Variants in AMOTL1 observed in about 807,000 individuals in gnomAD.
The protein encoded by AMOTL1 is angiomotin-like protein 1.
AMOTL1 carries 45 observed loss-of-function variants against 102.9 expected under a neutral mutation model. The ratio of observed to expected loss-of-function variants is 0.44; its 90% CI spans 0.34 to 0.56. The LOEUF (loss-of-function observed/expected upper bound fraction) is 0.56, where lower values mean the gene tolerates loss of function less well. Among genes scored for constraint, AMOTL1 ranks in the 20% least tolerant of loss-of-function variants. AMOTL1 has a pLI of 0.01. For synonymous variants in AMOTL1, 481 were observed against 484.7 expected, an observed-to-expected ratio of 0.99 and a Z score of 0.10; for missense variants, 1,114 against 1,225.6, an observed-to-expected ratio of 0.91 and a Z score of 1.36.
intron 4 of AMOTL1, among the ~76,000 whole-genome samples, chr11:94,827,985 G>C (rs1951998889): frequency 6.6e-6 from 1 of 152,042 alleles, no homozygotes; most frequent in Admixed American, 6.6e-5. Context: ...TCCGCTTTCT[G>C]ATGTCATCTG....
At chr11:94,855,443 T>C (rs1218447370) in intron 8 of AMOTL1, among the ~76,000 whole-genome samples, 1 of 152,246 alleles carries the variant, frequency 6.6e-6, no homozygotes, top group African/African-American at 2.4e-5. Flanking sequence ...TCAGCTGTTC[T>C]CTGTCACTCA....
chr11:94,756,914 G>A (rs1565340926), intron 3 of AMOTL1, among the ~76,000 whole-genome samples: 2 of 151,958 alleles, frequency 1.3e-5, no homozygotes, highest in Non-Finnish European at 1.5e-5. Flanking sequence ...CCCTGCCTGA[G>A]TTTATATCAA....
At chr11:94,831,664 A>G in intron 6 of AMOTL1, 123 bp downstream of exon 6, 2 of 818,764 alleles carry the variant, frequency 2.4e-6, no homozygotes, top group Non-Finnish European at 1.9e-6. Flanking sequence ...AATTTAGCAT[A>G]CAACCTATTG....
intron 9 of AMOTL1, among the ~76,000 whole-genome samples, chr11:94,863,460 C>T (rs181571621): frequency 5.9e-5 from 9 of 152,034 alleles, no homozygotes; most frequent in East Asian, 3.9e-4. Context: ...GATGTGGTGA[C>T]GCATGTCTGT....
chr11:94,800,202 C>A lies in AMOTL1; in HGVS notation c.1012C>A (p.His338Asn), dbSNP rs1951449683. 1.2e-6 allele frequency: 2 copies of A among 1,613,954 alleles called. No individual in the cohort carries two copies. Among genetic ancestry groups the A allele is most frequent in the Non-Finnish European group, 1.7e-6 (2 of 1,179,874 alleles). The change falls in exon 3 of 13, where the codon CAC (histidine) becomes AAC (asparagine). Residue 338 changes from histidine to asparagine, a missense_variant. By Grantham distance (68) the His-to-Asn change is moderately conservative. Transcript: ENST00000433060. ...GCACGGACTTTTTTATGGTGACCAG[C>A]ACCCCGGGATGCTCCACGAGATGGT... is the stretch of plus-strand genomic sequence containing the variant. The part of the protein sequence containing the change: ...QEHGLFYGDQ[H>N]PGMLHEMVKP...
At chr11:94,710,629 G>C (rs115654202) in intron 1 of AMOTL1, among the ~76,000 whole-genome samples, 1,732 of 152,250 alleles carry the variant, frequency 0.011, 35 homozygotes, top group African/African-American at 0.039. Context: ...AAAGCCACAG[G>C]CTCCCTGGCA....
At chr11:94,753,502 C>A (rs1373529198) in intron 3 of AMOTL1, among the ~76,000 whole-genome samples, 4 of 152,096 alleles carry the variant, frequency 2.6e-5, no homozygotes, top group African/African-American at 4.8e-5. Flanking sequence ...TTATTGAGTG[C>A]TTTTCATGTG....
chr11:94,867,774 G>A (rs1952911964), intron 11 of AMOTL1, among the ~76,000 whole-genome samples: 1 of 152,190 alleles, frequency 6.6e-6, no homozygotes, highest in African/African-American at 2.4e-5. Flanking sequence ...GACTTATTCA[G>A]CCTGTCACTC....
chr11:94,761,250 G>A (rs1374478153), intron 3 of AMOTL1, among the ~76,000 whole-genome samples: 3 of 149,124 alleles, frequency 2.0e-5, no homozygotes, highest in Non-Finnish European at 4.4e-5. Flanking sequence ...GTGCAGTGGC[G>A]TGATCTCGGC....
At chr11:94,867,779 T>C (rs1022712744) in intron 11 of AMOTL1, among the ~76,000 whole-genome samples, 7 of 152,318 alleles carry the variant, frequency 4.6e-5, no homozygotes, top group African/African-American at 1.7e-4. Flanking sequence ...ATTCAGCCTG[T>C]CACTCCCTAC....
intron 1 of AMOTL1, among the ~76,000 whole-genome samples, chr11:94,727,188 CTACTT>C (rs1213742075): frequency 3.3e-5 from 5 of 152,130 alleles, no homozygotes; most frequent in Non-Finnish European, 5.9e-5. Flanking sequence ...CTTGGAGTCT[CTACTT>C]CACTTCCCAA....
At chr11:94,714,232 T>A (rs10734167) in intron 1 of AMOTL1, among the ~76,000 whole-genome samples, 70,853 of 151,870 alleles carry the variant, frequency 0.47, 18,515 homozygotes, top group Non-Finnish European at 0.58. Context: ...CTGAAATAAA[T>A]CTCATTTGGT....
Position 94,800,217 on chromosome 11 carries a change from C to T in AMOTL1, c.1027C>T (p.His343Tyr). ...TGGTGACCAGCACCCCGGGATGCTC[C>T]ACGAGATGGTCAAGCCCTACCCTGC... ...FYGDQHPGML[H>Y]EMVKPYPAPQ... is the part of the protein sequence containing the mutation. Residue 343 changes from histidine to tyrosine, a missense_variant, in exon 3 of 13, where the codon CAC (histidine) becomes TAC (tyrosine). Physicochemically the swap from His to Tyr is moderately conservative, Grantham distance 83 (BLOSUM62 2). Transcript: ENST00000433060. 6.2e-7 allele frequency: 1 copy of T among 1,613,974 alleles called. No individual in the cohort carries two copies. Among genetic ancestry groups the T allele is most frequent in the Non-Finnish European group, 8.5e-7 (1 of 1,179,884 alleles).
Position 94,707,244 on chromosome 11 carries a change from C to CTGTGTG in AMOTL1, c.-51+648_-51+649insGTGTGT, listed in dbSNP as rs1224329236. Reference sequence around the variant, plus strand: ...TCTCTCTCTCTCTCTCTCTCTCTCTCTCTCTCTGTGTGTGTGTGTGTGTGT... The same window carrying CTGTGTG: ...TCTCTCTCTCTCTCTCTCTCTCTCTCTGTGTGTCTCTCTGTGTGTGTGTGTGTGTGT... On this transcript the variant is annotated intron_variant, in intron 1 of 4. Coordinates refer to the AMOTL1 transcript ENST00000299004. Among the ~76,000 whole-genome samples the CTGTGTG allele has an allele frequency of 3.7e-3, 204 of 55,450 alleles. 1 individual carries two copies. Among genetic ancestry groups the CTGTGTG allele is most frequent in the African/African-American group, 5.7e-3 (133 of 23,392 alleles). 36.4% of individuals were successfully genotyped at this position (55,450 alleles called of 152,430 possible). A position where few individuals can be genotyped will look rare whatever the true frequency, so the allele number is the denominator to read the frequency against.
intron 1 of AMOTL1, among the ~76,000 whole-genome samples, chr11:94,784,258 G>A (rs1951150768): frequency 6.6e-6 from 1 of 152,050 alleles, no homozygotes; most frequent in Admixed American, 6.6e-5. Context: ...AACTTTATGA[G>A]GATTATCCCC....
intron 5 of AMOTL1, among the ~76,000 whole-genome samples, chr11:94,830,550 CT>C (rs2135661146): frequency 6.6e-6 from 1 of 152,356 alleles, no homozygotes; most frequent in Admixed American, 6.5e-5. Context: ...ACGCACAACC[CT>C]TTCCACATGG....
rs116667666 is a variant in AMOTL1 at position 94,750,060 on chromosome 11, T to C, written c.136+9072T>C. The stretch of plus-strand genomic sequence containing the variant: ...ACTTTGTACTTTATACATATAACCA[T>C]TGTACTCAGCTTATGGCTTGGGTCA... On this transcript the variant is annotated intron_variant, in intron 3 of 4. Transcript: ENST00000299004. 2.0e-3 allele frequency among the ~76,000 whole-genome samples: 298 copies of C among 152,314 alleles called. 2 individuals carry two copies. Among genetic ancestry groups the C allele is most frequent in the African/African-American group, 6.6e-3 (276 of 41,558 alleles).
chr11:94,752,869 G>A (rs566831651), intron 3 of AMOTL1, among the ~76,000 whole-genome samples: 1 of 152,306 alleles, frequency 6.6e-6, no homozygotes, highest in African/African-American at 2.4e-5. Flanking sequence ...ATAGTCTACT[G>A]CTGGGATCTG....
Position 94,769,015 on chromosome 11 carries a change from G to C in AMOTL1, c.49+455G>C, listed in dbSNP as rs180681816. ...GGCCCGCCCGACGGGCTCTGGCGCT[G>C]TGGACTGGACCCTTTCTGCCCGCCG... On this transcript the variant is annotated intron_variant, in intron 1 of 12. Transcript: ENST00000433060. Among the ~76,000 whole-genome samples the C allele has an allele frequency of 4.1e-3, 631 of 152,202 alleles. 13 individuals are homozygous for C. The highest frequency in any genetic ancestry group is 0.035 in the South Asian group (167 of 4,830).
Sources: gnomAD v4.1 joint callset for allele counts (sites outside exome capture counted in the v4.1 genomes callset) on GRCh38, gnomAD v4.1.1 for gene constraint, MANE v1.5 for transcripts, NCBI Gene and HGNC (gene_info 2026-07-23, HGNC 2026-07-21) for gene names.